Variants in DNAH11 observed in about 807,000 individuals in gnomAD.
The protein encoded by DNAH11 is dynein axonemal heavy chain 11.
A neutral mutation model predicts 526.0 loss-of-function variants in DNAH11; 442 were observed. That is an observed-to-expected ratio of 0.84 (90% CI 0.78 to 0.91). The LOEUF is 0.91. Among genes scored for constraint, DNAH11 ranks in the 40% least tolerant of loss-of-function variants. The pLI is 0.00. For synonymous variants in DNAH11, 2,461 were observed against 1,935.9 expected (o/e 1.27, Z -7.12); for missense variants, 6,989 against 5,448.7 (o/e 1.28, Z -8.90).
In DNAH11 at chr7:21,789,868, TTTTCTTTC is replaced by T. The variant is rs368386245; in HGVS notation, c.10026+543_10026+550del. 9.8e-3 allele frequency among the ~76,000 whole-genome samples: 981 copies of T among 100,580 alleles called. 12 individuals carry two copies. The highest frequency in any genetic ancestry group is 0.033 in the African/African-American group (922 of 27,576). 66.0% of individuals were successfully genotyped at this position (100,580 alleles called of 152,430 possible). A position where few individuals can be genotyped will look rare whatever the true frequency, so the allele number is the denominator to read the frequency against. ...TCTTTCTTTCTCTCTCCTTCCTTCCTTTTCTTTCTTTCTTTCTTTCTTTCCTTTCCCCT... is the reference window on the plus strand; with the variant it reads ...TCTTTCTTTCTCTCTCCTTCCTTCCTTTTCTTTCTTTCTTTCCTTTCCCCT... On this transcript the variant is annotated intron_variant, in intron 61 of 81. Transcript: ENST00000409508.
intron 28 of DNAH11, among the ~76,000 whole-genome samples, chr7:21,653,056 A>T (rs1305926583): frequency 6.6e-6 from 1 of 151,976 alleles, no homozygotes; most frequent in African/African-American, 2.4e-5. Flanking sequence ...TTGTATTTGT[A>T]GTAGGAACAG....
intron 5 of DNAH11, 81 bp downstream of exon 5, chr7:21,561,251 T>G (rs1429041556): frequency 9.9e-7 from 1 of 1,006,452 alleles, no homozygotes; most frequent in Non-Finnish European, 1.5e-6. Flanking sequence ...CCTTGATATT[T>G]ACCCTTCCGC....
chr7:21,601,691 C>G (rs1785098516), intron 18 of DNAH11, 73 bp downstream of exon 18: 1 of 1,165,460 alleles, frequency 8.6e-7, no homozygotes, highest in Non-Finnish European at 1.2e-6. Context: ...TTTACATGTA[C>G]TCTCTTATGA....
intron 25 of DNAH11, among the ~76,000 whole-genome samples, chr7:21,627,893 C>T (rs747735218): frequency 6.6e-6 from 1 of 152,126 alleles, no homozygotes; most frequent in Non-Finnish European, 1.5e-5. Context: ...CAATACTCTT[C>T]CAATCCATGA....
rs540780299 is a variant in DNAH11, at chr7:21,711,449, A to G, written c.6835-263A>G. Among the ~76,000 whole-genome samples, 115 of 152,350 alleles carry G rather than the reference A, an allele frequency of 7.5e-4. 1 individual carries two copies. Among genetic ancestry groups the G allele is most frequent in the African/African-American group, 2.5e-3 (104 of 41,584 alleles). ...TCCTTTCATGTGATTAATTTTTACA[A>G]TACATGTCTTATATTTGGCTTAGCA... On this transcript the variant is annotated intron_variant, in intron 41 of 81. Transcript: ENST00000409508.
chr7:21,639,164 C>T (rs910304603), intron 28 of DNAH11, 99 bp downstream of exon 28: 20 of 1,377,144 alleles, frequency 1.5e-5, no homozygotes, highest in Admixed American at 5.8e-5. Context: ...GTCACGTGGG[C>T]CAGGAACTAG....
chr7:21,747,371 T>G (rs1211609036), intron 51 of DNAH11, among the ~76,000 whole-genome samples: 2 of 152,234 alleles, frequency 1.3e-5, no homozygotes, highest in African/African-American at 4.8e-5. Context: ...CAAAAAGCAC[T>G]ATTTAAAACA....
chr7:21,784,233 G>GT (rs1301743675), intron 57 of DNAH11, among the ~76,000 whole-genome samples, 194 bp from the exon 58 acceptor site: 2 of 152,268 alleles, frequency 1.3e-5, no homozygotes, highest in East Asian at 3.9e-4. Flanking sequence ...GTTACTGTGT[G>GT]TTTTTTACAT....
chr7:21,559,673 C>G lies in DNAH11; in HGVS notation c.763C>G (p.Gln255Glu), dbSNP rs1783375320. The change falls in exon 4 of 82, where the codon CAA becomes GAA. Residue 255 changes from glutamine (Q) to glutamate (E), a missense_variant. By Grantham distance (29) the Gln-to-Glu change is conservative. Coordinates refer to ENST00000409508, the MANE Select transcript of DNAH11 (RefSeq NM_001277115.2). Reference protein sequence around the residue: ...SVVIEWSHQIQEIIERDSVQR... With the variant: ...SVVIEWSHQIEEIIERDSVQR... Reference sequence around the variant, plus strand: ...GGTTATTGAATGGTCACATCAAATCCAAGAAATTATAGAAAGAGATTCAGT... The same window carrying G: ...GGTTATTGAATGGTCACATCAAATCGAAGAAATTATAGAAAGAGATTCAGT... 2.5e-6 allele frequency: 4 copies of G among 1,611,544 alleles called. No homozygotes were observed. Among genetic ancestry groups the G allele is most frequent in the Admixed American group, 3.3e-5 (2 of 59,716 alleles).
chr7:21,709,179 G>A (rs189853076), intron 40 of DNAH11, among the ~76,000 whole-genome samples: 105 of 152,234 alleles, frequency 6.9e-4, no homozygotes, highest in African/African-American at 2.4e-3. Context: ...ATCAACCTAA[G>A]TGCCCATTAA....
At chr7:21,553,069 G>GTTTTTTTTT (rs1783080507) in intron 2 of DNAH11, among the ~76,000 whole-genome samples, 2 of 108,382 alleles carry the variant, frequency 1.8e-5, no homozygotes, top group African/African-American at 9.9e-5. Flanking sequence ...GTATAAATGG[G>GTTTTTTTTT]ATTTTTTTTT....
chr7:21,749,326 A>C (rs186531829), intron 52 of DNAH11, among the ~76,000 whole-genome samples: 14 of 152,358 alleles, frequency 9.2e-5, no homozygotes, highest in African/African-American at 3.1e-4. Context: ...TCGAAAAAAT[A>C]GGACAGTTGT....
chr7:21,900,183 C>T (rs1784715206), intron 81 of DNAH11, 63 bp downstream of exon 81: 1 of 1,501,450 alleles, frequency 6.7e-7, no homozygotes, highest in Admixed American at 2.2e-5. Context: ...CAGTGTTTGT[C>T]CTCTGCTTAC....
chr7:21,647,937 C>G (rs904859578), intron 28 of DNAH11, among the ~76,000 whole-genome samples: 3 of 152,040 alleles, frequency 2.0e-5, no homozygotes, highest in African/African-American at 2.4e-5. Flanking sequence ...GAAGATGACA[C>G]TAGATGGAAA....
chr7:21,705,907 T>G (rs1035117337), intron 39 of DNAH11, among the ~76,000 whole-genome samples: 2 of 152,204 alleles, frequency 1.3e-5, no homozygotes. Flanking sequence ...GATAAACATA[T>G]TAAGAGACTG....
intron 55 of DNAH11, among the ~76,000 whole-genome samples, chr7:21,766,304 A>G (rs1787182879): frequency 6.6e-6 from 1 of 152,186 alleles, no homozygotes; most frequent in Non-Finnish European, 1.5e-5. Flanking sequence ...CCTGGAGATG[A>G]AGTTTTATTC....
intron 65 of DNAH11, among the ~76,000 whole-genome samples, chr7:21,838,264 G>A (rs1455078625): frequency 6.6e-6 from 1 of 152,198 alleles, no homozygotes; most frequent in African/African-American, 2.4e-5. Flanking sequence ...ATGCTCAAAA[G>A]ACAAGCGTGA....
intron 51 of DNAH11, among the ~76,000 whole-genome samples, chr7:21,748,356 T>A (rs1322713883): frequency 2.0e-5 from 3 of 151,978 alleles, no homozygotes; most frequent in Non-Finnish European, 4.4e-5. Context: ...TGGTGGTGAG[T>A]GCCCGTAATC....
intron 28 of DNAH11, among the ~76,000 whole-genome samples, chr7:21,643,660 T>C (rs993648089): frequency 3.3e-5 from 5 of 152,226 alleles, no homozygotes; most frequent in African/African-American, 1.2e-4. Flanking sequence ...CATTGCGTGT[T>C]TGAAACAACT....
Sources: allele counts gnomAD v4.1 joint callset (sites outside exome capture counted in the v4.1 genomes callset), GRCh38; gene constraint gnomAD v4.1.1; transcripts MANE v1.5; gene names NCBI Gene and HGNC (gene_info 2026-07-23, HGNC 2026-07-21).